CSMD1: variants seen among roughly 807,000 people sequenced by gnomAD.
CSMD1 encodes CUB and sushi domain-containing protein 1.
Under a neutral mutation model 417.5 loss-of-function variants are expected in CSMD1, and 213 were observed. The ratio of observed to expected loss-of-function variants is 0.51; its 90% CI spans 0.46 to 0.57. CSMD1 has a LOEUF of 0.57. Among genes scored for constraint, CSMD1 ranks in the 20% least tolerant of loss-of-function variants. CSMD1 has a pLI of 0.00. For synonymous variants in CSMD1, 2,862 were observed against 1,736.8 expected (o/e 1.65, Z -16.11); for missense variants, 6,923 against 4,529.7 (o/e 1.53, Z -15.17).
intron 3 of CSMD1, among the ~76,000 whole-genome samples, chr8:4,392,602 T>C (rs572561430): frequency 1.8e-4 from 27 of 151,976 alleles, no homozygotes; most frequent in African/African-American, 6.3e-4. Flanking sequence ...TTGCTATGAA[T>C]TGAATAGGAT....
chr8:3,642,771 G>A (rs1431871681), intron 7 of CSMD1, among the ~76,000 whole-genome samples: 1 of 151,942 alleles, frequency 6.6e-6, no homozygotes, highest in African/African-American at 2.4e-5. Flanking sequence ...GGCAATAAAC[G>A]CATTTCATGC....
intron 3 of CSMD1, among the ~76,000 whole-genome samples, chr8:4,111,355 T>A (rs1318079202): frequency 1.3e-5 from 2 of 152,156 alleles, no homozygotes; most frequent in African/African-American, 4.8e-5. Context: ...TGGGAAAAGT[T>A]TATTGATGAA....
intron 10 of CSMD1, among the ~76,000 whole-genome samples, chr8:3,523,696 C>A (rs112035103): frequency 6.6e-6 from 1 of 150,732 alleles, no homozygotes. Context: ...GAGACATATG[C>A]ACACATGTGC....
At chr8:4,013,625 TTTATG>T (rs756669939) in intron 4 of CSMD1, among the ~76,000 whole-genome samples, 1 of 152,210 alleles carries the variant, frequency 6.6e-6, no homozygotes, top group Non-Finnish European at 1.5e-5. Flanking sequence ...CATTTGCTTA[TTTATG>T]TTATCTATCT....
rs568043845 is a variant in CSMD1, at chr8:4,612,995, A to C, written c.302+24347T>G. ...TAACAGTCCCTGCAAAACTGATCTCATAACATTAGATTCCCAGGAAAATTC... is the reference window on the plus strand; with the variant it reads ...TAACAGTCCCTGCAAAACTGATCTCCTAACATTAGATTCCCAGGAAAATTC... On this transcript the variant is annotated intron_variant, in intron 2 of 69. Coordinates refer to ENST00000635120, the MANE Select transcript of CSMD1 (RefSeq NM_033225.6). Among the ~76,000 whole-genome samples the C allele has an allele frequency of 3.3e-5, 5 of 152,166 alleles. No individual in the cohort carries two copies. The South Asian group carries it at 8.3e-4, about 25-fold the overall frequency.
intron 1 of CSMD1, among the ~76,000 whole-genome samples, chr8:4,905,899 G>T (rs1585302067): frequency 6.7e-6 from 1 of 150,036 alleles, no homozygotes; most frequent in Admixed American, 6.7e-5. Context: ...ACATCTAATT[G>T]CCTTTCTCAG....
intron 27 of CSMD1, among the ~76,000 whole-genome samples, chr8:3,225,150 T>G (rs1028560873): frequency 6.6e-6 from 1 of 152,146 alleles, no homozygotes; most frequent in African/African-American, 2.4e-5. Context: ...GCTTCACAAT[T>G]TTCAATAAGG....
At chr8:4,578,181 G>A (rs899219106) in intron 2 of CSMD1, among the ~76,000 whole-genome samples, 1 of 151,948 alleles carries the variant, frequency 6.6e-6, no homozygotes, top group East Asian at 1.9e-4. Context: ...TCTTTTTTGA[G>A]AGGAAGTCTC....
At chr8:4,187,746 C>T (rs965372288) in intron 3 of CSMD1, among the ~76,000 whole-genome samples, 5 of 144,038 alleles carry the variant, frequency 3.5e-5, no homozygotes, top group African/African-American at 1.3e-4. Flanking sequence ...CATAAATGAA[C>T]ACTCAGAGAA....
intron 1 of CSMD1, among the ~76,000 whole-genome samples, chr8:4,682,501 G>A (rs1563133665): frequency 6.6e-6 from 1 of 151,610 alleles, no homozygotes; most frequent in East Asian, 1.9e-4. Context: ...AAAGATACAG[G>A]AAAAAGAATG....
At chr8:4,161,866 T>C (rs1438916675) in intron 3 of CSMD1, among the ~76,000 whole-genome samples, 2 of 152,234 alleles carry the variant, frequency 1.3e-5, no homozygotes, top group African/African-American at 4.8e-5. Flanking sequence ...TAGAATTTAA[T>C]TCTTTTAGAT....
chr8:3,568,916 A>G (rs2116908701), intron 10 of CSMD1, among the ~76,000 whole-genome samples: 1 of 152,230 alleles, frequency 6.6e-6, no homozygotes, highest in East Asian at 1.9e-4. Context: ...CCAGGGATAA[A>G]CTTTTGAGAG....
At chr8:3,925,445 C>T (rs1421251964) in intron 5 of CSMD1, among the ~76,000 whole-genome samples, 1 of 151,944 alleles carries the variant, frequency 6.6e-6, no homozygotes, top group Non-Finnish European at 1.5e-5. Context: ...ACAGTTAAAC[C>T]TGAAATACAG....
At chr8:3,402,545 G>T (rs1390085708) in intron 15 of CSMD1, among the ~76,000 whole-genome samples, 1 of 152,108 alleles carries the variant, frequency 6.6e-6, no homozygotes, top group Non-Finnish European at 1.5e-5. Context: ...TACTCAACAT[G>T]TGCCTGGCAT....
intron 12 of CSMD1, among the ~76,000 whole-genome samples, chr8:3,447,327 T>G (rs1815366090): frequency 1.5e-5 from 2 of 135,266 alleles, no homozygotes; most frequent in African/African-American, 6.4e-5. Context: ...AGTTTAGCAG[T>G]GGAGATCAGT....
chr8:3,803,862 C>G (rs1267633459), intron 5 of CSMD1, among the ~76,000 whole-genome samples: 7 of 152,126 alleles, frequency 4.6e-5, no homozygotes, highest in East Asian at 3.9e-4. Flanking sequence ...TGTGAAGCTA[C>G]TGAGGAGAGG....
At chr8:4,192,724 G>A (rs545022895) in intron 3 of CSMD1, among the ~76,000 whole-genome samples, 1 of 152,212 alleles carries the variant, frequency 6.6e-6, no homozygotes, top group Non-Finnish European at 1.5e-5. Flanking sequence ...ATGAGGAATT[G>A]TCTATGTATT....
rs532780931 is a variant in CSMD1, at chr8:4,870,204, T to C, written c.85+124128A>G. ...TAAATAATGAAAAAATAACTGTTAA[T>C]TCCCTGGTCCTTCTTCATCCCACAA... On this transcript the variant is annotated intron_variant, in intron 1 of 69. Transcript: ENST00000635120. 2.1e-4 allele frequency among the ~76,000 whole-genome samples: 32 copies of C among 152,268 alleles called. No individual in the cohort carries two copies. The South Asian group carries it at 5.8e-3, about 28-fold the overall frequency.
At chr8:4,407,490 T>C (rs758049195) in intron 3 of CSMD1, among the ~76,000 whole-genome samples, 8 of 152,324 alleles carry the variant, frequency 5.3e-5, no homozygotes, top group South Asian at 2.1e-4. Context: ...ATAATAAATT[T>C]CATTGTACTC....
Sources: gnomAD v4.1 joint callset for allele counts (sites outside exome capture counted in the v4.1 genomes callset) on GRCh38, gnomAD v4.1.1 for gene constraint, MANE v1.5 for transcripts, NCBI Gene and HGNC (gene_info 2026-07-23, HGNC 2026-07-21) for gene names.